CSMD3: variants seen among roughly 807,000 people sequenced by gnomAD.
The protein encoded by CSMD3 is CUB and Sushi multiple domains 3.
A neutral mutation model predicts 435.2 loss-of-function variants in CSMD3; 177 were observed. That is an observed-to-expected ratio of 0.41 (90% CI 0.36 to 0.46). The LOEUF (loss-of-function observed/expected upper bound fraction) is 0.46, where lower values mean the gene tolerates loss of function less well. CSMD3 is among the 20% of genes least tolerant of loss of function. CSMD3 has a pLI of 0.34. For missense variants in CSMD3, 4,265 were observed against 4,504.6 expected (o/e 0.95, Z 1.52); for synonymous variants, 1,656 against 1,520.5 (o/e 1.09, Z -2.07).
At chr8:113,038,438 A>AGG (rs2087454788) in intron 5 of CSMD3, among the ~76,000 whole-genome samples, 2 of 152,208 alleles carry the variant, frequency 1.3e-5, no homozygotes, top group Admixed American at 1.3e-4. Context: ...ATACAGAGTC[A>AGG]GCTTTTTCAT....
At chr8:113,384,080 C>T (rs536503383) in intron 1 of CSMD3, among the ~76,000 whole-genome samples, 119 of 152,208 alleles carry the variant, frequency 7.8e-4, no homozygotes, top group Non-Finnish European at 1.5e-3. Context: ...ATCTTTTACC[C>T]CAAATTCCCA....
intron 10 of CSMD3, among the ~76,000 whole-genome samples, chr8:112,867,496 C>T (rs1474390103): frequency 6.6e-6 from 1 of 152,010 alleles, no homozygotes; most frequent in East Asian, 1.9e-4. Flanking sequence ...ATAGAGTGTG[C>T]TTACTACACA....
intron 13 of CSMD3, among the ~76,000 whole-genome samples, chr8:112,708,715 G>A (rs1390198066): frequency 6.6e-5 from 7 of 105,744 alleles, no homozygotes; most frequent in African/African-American, 2.2e-4. Context: ...CAAACAGGAC[G>A]ATAGAGCAAA....
At chr8:112,882,470 C>T (rs1200426959) in intron 10 of CSMD3, among the ~76,000 whole-genome samples, 1 of 151,946 alleles carries the variant, frequency 6.6e-6, no homozygotes, top group Non-Finnish European at 1.5e-5. Context: ...TCATTAAAGC[C>T]TCATAGGAAT....
intron 11 of CSMD3, among the ~76,000 whole-genome samples, chr8:112,848,432 A>T (rs2080390541): frequency 6.6e-6 from 1 of 152,106 alleles, no homozygotes; most frequent in Admixed American, 6.6e-5. Flanking sequence ...TATTTTATTT[A>T]TACAATAAAT....
At position 112,337,692 on chromosome 8, in the gene CSMD3, C is replaced by T. The variant is rs751658267; in HGVS notation, c.6692G>A (p.Arg2231Gln). Residue 2231 changes from arginine to glutamine, a missense_variant, in exon 43 of 71, where the codon CGA (arginine) becomes CAA (glutamine). Arg to Gln is a conservative substitution (Grantham distance 43). Coordinates refer to ENST00000297405, the MANE Select transcript of CSMD3 (RefSeq NM_198123.2). ...LQSCPDPRPFRNGFVIGNDFT... is the reference protein window; with the variant it reads ...LQSCPDPRPFQNGFVIGNDFT... ...ATCATTACCAATTACAAAACCATTT[C>T]GAAACGGGCGTGGATCAGGACAGCT... 7 of 1,613,702 alleles carry T rather than the reference C, an allele frequency of 4.3e-6. No homozygotes were observed. Among genetic ancestry groups the T allele is most frequent in the South Asian group, 1.1e-5 (1 of 91,072 alleles).
chr8:112,844,249 T>C (rs2080257792), intron 11 of CSMD3, among the ~76,000 whole-genome samples: 1 of 151,938 alleles, frequency 6.6e-6, no homozygotes, highest in African/African-American at 2.4e-5. Flanking sequence ...CCTAATATCT[T>C]TTCTCTTGCT....
intron 6 of CSMD3, among the ~76,000 whole-genome samples, chr8:113,011,421 A>C (rs915900831): frequency 1.3e-5 from 2 of 151,790 alleles, no homozygotes; most frequent in African/African-American, 4.8e-5. Context: ...TCACAGCAAA[A>C]ATTTTATTTC....
intron 49 of CSMD3, among the ~76,000 whole-genome samples, chr8:112,313,040 A>G (rs1352482883): frequency 9.9e-5 from 15 of 152,170 alleles, no homozygotes; most frequent in African/African-American, 3.4e-4. Context: ...GACATGATTT[A>G]GAATGGTCTC....
intron 6 of CSMD3, among the ~76,000 whole-genome samples, chr8:113,018,304 A>G (rs2086548702): frequency 6.6e-6 from 1 of 152,024 alleles, no homozygotes; most frequent in African/African-American, 2.4e-5. Flanking sequence ...TCCTAAAGTC[A>G]TCATATTAAA....
intron 68 of CSMD3, 64 bp from the exon 69 acceptor site, chr8:112,231,696 A>G (rs2129899236): frequency 1.0e-6 from 1 of 954,728 alleles, no homozygotes; most frequent in Middle Eastern, 2.1e-4. Context: ...TCCCAGCCTT[A>G]ATAAATACAC....
intron 12 of CSMD3, among the ~76,000 whole-genome samples, chr8:112,826,251 G>C (rs960650578): frequency 6.6e-6 from 1 of 152,242 alleles, no homozygotes. Context: ...CCTGCCCTGG[G>C]AGCTTAGTGT....
At chr8:113,360,237 GCTCTGGATTCAGACAGACCAGGTT>G in intron 1 of CSMD3, among the ~76,000 whole-genome samples, 4 of 152,240 alleles carry the variant, frequency 2.6e-5, no homozygotes, top group Admixed American at 2.6e-4. Context: ...GACAAGAGTA[GCTCTGGATTCAGACAGACCAGGTT>G]TTATACCCTA....
chr8:112,842,980 G>C (rs892977524), intron 11 of CSMD3, among the ~76,000 whole-genome samples: 2 of 151,654 alleles, frequency 1.3e-5, no homozygotes, highest in East Asian at 3.9e-4. Flanking sequence ...TTTTATACAT[G>C]CAATTATGGA....
intron 2 of CSMD3, among the ~76,000 whole-genome samples, chr8:113,292,085 T>C (rs1354839091): frequency 6.6e-6 from 1 of 151,766 alleles, no homozygotes; most frequent in African/African-American, 2.4e-5. Context: ...AATGCCTAGT[T>C]TAAAAGAATG....
chr8:113,418,270 C>A (rs190857992), intron 1 of CSMD3, among the ~76,000 whole-genome samples: 8 of 152,188 alleles, frequency 5.3e-5, no homozygotes, highest in African/African-American at 1.9e-4. Context: ...AACTAGAGAG[C>A]ATTTAGATTA....
intron 10 of CSMD3, among the ~76,000 whole-genome samples, chr8:112,866,635 G>C (rs566620382): frequency 6.6e-6 from 1 of 152,074 alleles, no homozygotes; most frequent in South Asian, 2.1e-4. Context: ...GCCCCTAGTA[G>C]AAGTAATTAC....
At chr8:113,247,339 A>G (rs898709975) in intron 3 of CSMD3, among the ~76,000 whole-genome samples, 4 of 152,138 alleles carry the variant, frequency 2.6e-5, no homozygotes, top group Non-Finnish European at 4.4e-5. Context: ...AATAGTGACA[A>G]TTCTCTGAGG....
chr8:112,420,481 T>C (rs1216317851), intron 32 of CSMD3, among the ~76,000 whole-genome samples: 2 of 152,008 alleles, frequency 1.3e-5, no homozygotes, highest in Non-Finnish European at 2.9e-5. Flanking sequence ...TACCCAAAAA[T>C]AGTCTTTTTA....
Sources: gnomAD v4.1 joint callset for allele counts (sites outside exome capture counted in the v4.1 genomes callset) on GRCh38, gnomAD v4.1.1 for gene constraint, MANE v1.5 for transcripts, NCBI Gene and HGNC (gene_info 2026-07-23, HGNC 2026-07-21) for gene names.